The following TOP1 variants were observed in gnomAD, a reference collection of about 807,000 sequenced individuals.
TOP1 encodes DNA topoisomerase I.
In TOP1, 10 loss-of-function variants were observed where a neutral mutation model predicts 111.1. The ratio of observed to expected loss-of-function variants is 0.09; its 90% CI spans 0.06 to 0.15. The LOEUF is 0.15. Ranked by LOEUF, TOP1 falls within the 10% of genes least tolerant of loss-of-function variation. The probability of loss-of-function intolerance (pLI) is 1.00; values close to 1 mark genes in which losing one functional copy is unlikely to be tolerated. For missense variants in TOP1, 474 were observed against 926.7 expected (o/e 0.51, Z 6.34); for synonymous variants, 271 against 302.9 (o/e 0.89, Z 1.10).
intron 8 of TOP1, among the ~76,000 whole-genome samples, chr20:41,089,020 C>CTTTTTTTT (rs59200685): frequency 0.012 from 962 of 77,878 alleles, 154 homozygotes; most frequent in African/African-American, 0.035. Context: ...TGCCCCAGTT[C>CTTTTTTTT]TTTTTTTTTT....
At position 41,121,949 on chromosome 20, in the gene TOP1, A is replaced by G. The variant is rs2034430885; in HGVS notation, c.2046-57A>G. 2 of 1,598,924 alleles carry G rather than the reference A, an allele frequency of 1.3e-6. No homozygotes were observed. The highest frequency in any genetic ancestry group is 1.7e-5 in the Admixed American group (1 of 58,498). On this transcript the variant is annotated intron_variant, in intron 19 of 20. Coordinates refer to ENST00000361337, the MANE Select transcript of TOP1 (RefSeq NM_003286.4). The surrounding 1 kb of genome is among the most constrained non-coding windows in gnomAD (Gnocchi z 4.2). ...TGACTCAAAGTGGCAGGATGGGTAC[A>G]GTGTGCTCTTGTCTAGAGCCCAGGC...
At chr20:41,086,611 G>A (rs2033851954) in intron 8 of TOP1, among the ~76,000 whole-genome samples, 1 of 152,202 alleles carries the variant, frequency 6.6e-6, no homozygotes, top group Non-Finnish European at 1.5e-5. Flanking sequence ...AGAATTAGGT[G>A]CCCTTGAGGG....
intron 9 of TOP1, among the ~76,000 whole-genome samples, chr20:41,096,450 T>C (rs746280009): frequency 3.3e-4 from 50 of 152,222 alleles, no homozygotes; most frequent in Non-Finnish European, 6.6e-4. Flanking sequence ...CCTGGTTCCC[T>C]GAAAGAGGCA....
intron 3 of TOP1, among the ~76,000 whole-genome samples, chr20:41,066,066 G>A (rs1016432002): frequency 6.6e-6 from 1 of 152,128 alleles, no homozygotes; most frequent in African/African-American, 2.4e-5. Flanking sequence ...TATATTACTA[G>A]GCTGTAAGAA....
At chr20:41,063,622 A>G (rs1226953391) in intron 3 of TOP1, among the ~76,000 whole-genome samples, 3 of 152,158 alleles carry the variant, frequency 2.0e-5, no homozygotes, top group Non-Finnish European at 2.9e-5. Flanking sequence ...TTGATTTTTA[A>G]TAGCCATTGT....
Position 41,098,246 on chromosome 20 carries a change from C to T in TOP1, c.884C>T (p.Thr295Ile). The T allele has an allele frequency of 6.2e-7, 1 of 1,613,828 alleles. No homozygotes were observed. Among genetic ancestry groups the T allele is most frequent in the Non-Finnish European group, 8.5e-7 (1 of 1,179,818 alleles). ...EMTNEEKNII[T>I]NLSKCDFTQM... is the part of the protein sequence containing the mutation. ...ACTAATGAAGAGAAGAATATTATCA[C>T]CAACCTAAGCAAATGTGATTTTACC... The change falls in exon 11 of 21, where the codon ACC becomes ATC. Residue 295 changes from threonine (T) to isoleucine (I), a missense_variant. Around this residue, in one of 14 missense-constraint regions of TOP1, gnomAD observed 84 missense variants for 119.2 expected, o/e 0.70. Transcript: ENST00000361337. The surrounding 1 kb of genome is among the most constrained non-coding windows in gnomAD (Gnocchi z 5.7).
Position 41,030,455 on chromosome 20 carries a change from T to C in TOP1, c.58+1000T>C, listed in dbSNP as rs2033104338. ...TCATTCTTTTTCACGAGCCACTGTT[T>C]TTCAGGAATCAAGAACTGGCTTTTT... On this transcript the variant is annotated intron_variant, in intron 2 of 20. Coordinates refer to ENST00000361337, the MANE Select transcript of TOP1 (RefSeq NM_003286.4). The surrounding 1 kb of genome is among the most constrained non-coding windows in gnomAD (Gnocchi z 4.1). 1.3e-5 allele frequency among the ~76,000 whole-genome samples: 2 copies of C among 152,176 alleles called. No individual in the cohort carries two copies. The highest frequency in any genetic ancestry group is 2.9e-5 in the Non-Finnish European group (2 of 68,036).
In TOP1 at chr20:41,102,269, C is replaced by G. The variant is rs190966558; in HGVS notation, c.1308+916C>G. On this transcript the variant is annotated intron_variant, in intron 13 of 20. Coordinates refer to ENST00000361337, the MANE Select transcript of TOP1 (RefSeq NM_003286.4). The surrounding 1 kb of genome is among the most constrained non-coding windows in gnomAD (Gnocchi z 4.0). ...CCCTGTGTTCTTCTGTATATCACTACTTTTCTAATGAAAAATACCTGTTTA... is the reference window on the plus strand; with the variant it reads ...CCCTGTGTTCTTCTGTATATCACTAGTTTTCTAATGAAAAATACCTGTTTA... Among the ~76,000 whole-genome samples the G allele has an allele frequency of 2.0e-5, 3 of 152,272 alleles. No homozygotes were observed. Among genetic ancestry groups the G allele is most frequent in the Admixed American group, 1.3e-4 (2 of 15,286 alleles).
Position 41,079,977 on chromosome 20 carries a change from T to C in TOP1, c.336-108T>C. 2 of 719,502 alleles carry C rather than the reference T, an allele frequency of 2.8e-6. No individual in the cohort carries two copies. The highest frequency in any genetic ancestry group is 2.4e-6 in the Non-Finnish European group (1 of 411,004). The allele number at this position is 719,502 out of a possible 1,614,324, so 44.6% of individuals were successfully genotyped here. Reference sequence around the variant, plus strand: ...AACATCTTCATGATATGTACGTGGTTATCCTTATTTCTGTTAGCTTCTTTT... The same window carrying C: ...AACATCTTCATGATATGTACGTGGTCATCCTTATTTCTGTTAGCTTCTTTT... On this transcript the variant is annotated intron_variant, in intron 5 of 20. Coordinates refer to ENST00000361337, the MANE Select transcript of TOP1 (RefSeq NM_003286.4). The surrounding 1 kb of genome is among the most constrained non-coding windows in gnomAD (Gnocchi z 4.0).
At chr20:41,087,922 T>G (rs2033867304) in intron 8 of TOP1, among the ~76,000 whole-genome samples, 1 of 152,098 alleles carries the variant, frequency 6.6e-6, no homozygotes, top group Non-Finnish European at 1.5e-5. Context: ...TAAGTACATG[T>G]TTTTGTTTGT....
intron 2 of TOP1, among the ~76,000 whole-genome samples, chr20:41,036,510 G>A (rs2033187228): frequency 6.6e-6 from 1 of 152,176 alleles, no homozygotes; most frequent in Non-Finnish European, 1.5e-5. Context: ...GTGCCTCTCT[G>A]TCCTCATTGT....
intron 2 of TOP1, among the ~76,000 whole-genome samples, chr20:41,051,821 C>T (rs1379773580): frequency 1.3e-5 from 2 of 151,932 alleles, no homozygotes; most frequent in East Asian, 1.9e-4. Context: ...ACATATACAA[C>T]CTGAGCTAAG....
At chr20:41,076,735 T>C (rs578224961) in intron 4 of TOP1, among the ~76,000 whole-genome samples, 133 of 152,220 alleles carry the variant, frequency 8.7e-4, no homozygotes, top group Non-Finnish European at 1.6e-3. Context: ...GTACTCTGTA[T>C]AGTTTTAAAA....
rs187350426 is a variant in TOP1 at position 41,080,633 on chromosome 20, A to G, written c.431+453A>G. Reference sequence around the variant, plus strand: ...ACATGTATCTCTTTCCCCAGATTCAATGAGATTAAATTATATTCATTATTT... The same window carrying G: ...ACATGTATCTCTTTCCCCAGATTCAGTGAGATTAAATTATATTCATTATTT... On this transcript the variant is annotated intron_variant, in intron 6 of 20. Transcript: ENST00000361337. The surrounding 1 kb of genome is among the most constrained non-coding windows in gnomAD (Gnocchi z 5.0). Among the ~76,000 whole-genome samples, 27 of 152,282 alleles carry G rather than the reference A, an allele frequency of 1.8e-4. No individual in the cohort carries two copies. The highest frequency in any genetic ancestry group is 2.8e-4 in the Non-Finnish European group (19 of 68,008).
rs1298486180 is a variant in TOP1, at chr20:41,067,751, A to G, written c.155+6261A>G. Among the ~76,000 whole-genome samples the G allele has an allele frequency of 2.0e-5, 3 of 152,236 alleles. No individual in the cohort carries two copies. The highest frequency in any genetic ancestry group is 7.2e-5 in the African/African-American group (3 of 41,458). On this transcript the variant is annotated intron_variant, in intron 3 of 20. Coordinates refer to ENST00000361337, the MANE Select transcript of TOP1 (RefSeq NM_003286.4). This position sits in a 1 kb window ranked among gnomAD's most constrained non-coding sequence, Gnocchi z 4.0. The stretch of plus-strand genomic sequence containing the variant: ...GCTATACTTAGGACCCAAGCCCAGG[A>G]GGCATTTACTGTCCTGTGCAGTAGC...
intron 14 of TOP1, among the ~76,000 whole-genome samples, chr20:41,113,476 G>A (rs989023133): frequency 2.0e-5 from 3 of 152,118 alleles, no homozygotes; most frequent in Non-Finnish European, 2.9e-5. Flanking sequence ...CATAGTGAGT[G>A]GGGGAGGAAG....
rs2034423574 is a variant in TOP1 at position 41,121,603 on chromosome 20, C to T, written c.1951-93C>T. ...TTATCTGACAAACCACTGACAGAGACAGCCTGGTCCAGATAACATCTTGGT... is the reference window on the plus strand; with the variant it reads ...TTATCTGACAAACCACTGACAGAGATAGCCTGGTCCAGATAACATCTTGGT... On this transcript the variant is annotated intron_variant, in intron 18 of 20. Coordinates refer to ENST00000361337, the MANE Select transcript of TOP1 (RefSeq NM_003286.4). This position sits in a 1 kb window ranked among gnomAD's most constrained non-coding sequence, Gnocchi z 4.2. 7 of 952,850 alleles carry T rather than the reference C, an allele frequency of 7.3e-6. No homozygotes were observed. Among genetic ancestry groups the T allele is most frequent in the Middle Eastern group, 3.0e-4 (1 of 3,282 alleles). The allele number at this position is 952,850 out of a possible 1,614,324, so 59.0% of individuals were successfully genotyped here.
chr20:41,050,648 T>C (rs1020407824), intron 2 of TOP1, among the ~76,000 whole-genome samples: 1 of 152,200 alleles, frequency 6.6e-6, no homozygotes, highest in Non-Finnish European at 1.5e-5. Flanking sequence ...CCCTCTCCCC[T>C]AACAGTTGGG....
chr20:41,073,027 A>G, intron 3 of TOP1: 9 of 985,350 alleles, frequency 9.1e-6, no homozygotes, highest in Non-Finnish European at 1.1e-5. Flanking sequence ...TCCTATATAC[A>G]TCTCTTTCTG....
Sources: allele counts gnomAD v4.1 joint callset (sites outside exome capture counted in the v4.1 genomes callset), GRCh38; gene constraint gnomAD v4.1.1; regional missense constraint gnomAD v4.1.1; non-coding constraint Gnocchi (gnomAD v3.1); transcripts MANE v1.5; gene names NCBI Gene and HGNC (gene_info 2026-07-23, HGNC 2026-07-21).